GPC5: variants seen among roughly 807,000 people sequenced by gnomAD.
GPC5 encodes glypican 5, also known as glypican-5.
GPC5 carries 47 observed loss-of-function variants against 53.9 expected under a neutral mutation model. The observed-to-expected ratio is 0.87, with a 90% CI of 0.69 to 1.11. The LOEUF is 1.11. GPC5 is among the 50% of genes most tolerant of loss of function. The pLI, the probability that GPC5 is intolerant of heterozygous loss-of-function variation, is 0.00. For synonymous variants in GPC5, 286 were observed against 263.3 expected, an observed-to-expected ratio of 1.09 and a Z score of -0.84; for missense variants, 748 against 713.1, an observed-to-expected ratio of 1.05 and a Z score of -0.56.
chr13:91,883,769 A>G (rs1046606850), intron 5 of GPC5, among the ~76,000 whole-genome samples: 2 of 152,088 alleles, frequency 1.3e-5, no homozygotes, highest in East Asian at 1.9e-4. Flanking sequence ...CCATTGAAAG[A>G]TTTTTTTTAT....
At chr13:92,434,366 A>G (rs1400983879) in intron 7 of GPC5, among the ~76,000 whole-genome samples, 1 of 152,194 alleles carries the variant, frequency 6.6e-6, no homozygotes, top group East Asian at 1.9e-4. Flanking sequence ...ATAATGAAAT[A>G]ATTTTTAAAG....
chr13:91,843,740 A>G (rs1307313847), intron 5 of GPC5, among the ~76,000 whole-genome samples: 1 of 152,162 alleles, frequency 6.6e-6, no homozygotes, highest in East Asian at 1.9e-4. Context: ...ATACCTTTGG[A>G]TGCATCTGGA....
intron 5 of GPC5, among the ~76,000 whole-genome samples, chr13:91,771,811 T>A (rs765948128): frequency 6.6e-6 from 1 of 152,206 alleles, no homozygotes; most frequent in Non-Finnish European, 1.5e-5. Context: ...CAGAAAGATA[T>A]GATATCTTAC....
At chr13:91,512,407 T>TCCA (rs1349388892) in intron 2 of GPC5, among the ~76,000 whole-genome samples, 5 of 152,128 alleles carry the variant, frequency 3.3e-5, no homozygotes, top group African/African-American at 1.2e-4. Context: ...TTGGGGGGAT[T>TCCA]TTTTCAGCTT....
intron 7 of GPC5, among the ~76,000 whole-genome samples, chr13:92,183,571 A>G (rs538211061): frequency 1.6e-4 from 25 of 152,278 alleles, no homozygotes; most frequent in Middle Eastern, 3.4e-3. Flanking sequence ...AGCAATTTTG[A>G]GTCACTTATA....
Position 91,784,006 on chromosome 13 carries a change from T to C in GPC5, c.1280+27586T>C, listed in dbSNP as rs554211863. 2.6e-5 allele frequency among the ~76,000 whole-genome samples: 4 copies of C among 152,294 alleles called. No homozygotes were observed. In the East Asian group the frequency reaches 7.7e-4, roughly 29 times the overall value. ...ATCTTCCCAGATGGACAAGTTGTAG[T>C]CTATAGTGTGGATATAATTTTTAGG... is the stretch of plus-strand genomic sequence containing the variant. On this transcript the variant is annotated intron_variant, in intron 5 of 7. Transcript: ENST00000377067.
rs9560913 is a variant in GPC5 at position 92,076,698 on chromosome 13, G to A, written c.1402-68132G>A. ...TGACTTACTTTGCAGTCTGACTCTG[G>A]CATGACATTATGTGACAAAGAAGAA... On this transcript the variant is annotated intron_variant, in intron 6 of 7. Coordinates refer to ENST00000377067, the MANE Select transcript of GPC5 (RefSeq NM_004466.6). Among the ~76,000 whole-genome samples, 169 of 151,832 alleles carry A rather than the reference G, an allele frequency of 1.1e-3. 1 individual carries two copies. The East Asian group carries it at 0.029, about 26-fold the overall frequency.
intron 2 of GPC5, among the ~76,000 whole-genome samples, chr13:91,484,970 G>A (rs1487509915): frequency 6.6e-6 from 1 of 152,182 alleles, no homozygotes; most frequent in Non-Finnish European, 1.5e-5. Flanking sequence ...GCTACTCAGA[G>A]GTCTACAGAC....
chr13:91,826,584 A>G (rs1465614174), intron 5 of GPC5, among the ~76,000 whole-genome samples: 1 of 152,086 alleles, frequency 6.6e-6, no homozygotes, highest in Non-Finnish European at 1.5e-5. Context: ...AATAAGCAAA[A>G]CAGTCTTGAA....
intron 6 of GPC5, among the ~76,000 whole-genome samples, chr13:91,923,197 C>G (rs544082916): frequency 1.6e-4 from 25 of 152,264 alleles, no homozygotes; most frequent in Admixed American, 1.3e-4. Context: ...TTGACTGGCT[C>G]ATGCATATTC....
chr13:92,431,390 C>CTTTTT lies in GPC5; in HGVS notation c.1561+286413_1561+286417dup, dbSNP rs3064652. Among the ~76,000 whole-genome samples the CTTTTT allele has an allele frequency of 3.6e-3, 495 of 137,340 alleles. 6 individuals are homozygous for CTTTTT. The highest frequency in any genetic ancestry group is 7.5e-3 in the African/African-American group (277 of 36,906). 90.1% of individuals were successfully genotyped at this position (137,340 alleles called of 152,430 possible). On this transcript the variant is annotated intron_variant, in intron 7 of 7. Transcript: ENST00000377067. Reference sequence around the variant, plus strand: ...TATATGTGAGACATTAAAGACACAGCTTTTTTTTTTTTTTTTAAGCTAAAG... The same window carrying CTTTTT: ...TATATGTGAGACATTAAAGACACAGCTTTTTTTTTTTTTTTTTTTTTAAGCTAAAG...
chr13:92,666,097 A>G (rs1373034620), intron 7 of GPC5, among the ~76,000 whole-genome samples: 1 of 152,212 alleles, frequency 6.6e-6, no homozygotes, highest in African/African-American at 2.4e-5. Context: ...AGTTACATAA[A>G]ATACCAACCC....
At chr13:92,418,468 G>T (rs577582467) in intron 7 of GPC5, among the ~76,000 whole-genome samples, 5 of 152,162 alleles carry the variant, frequency 3.3e-5, no homozygotes, top group African/African-American at 1.2e-4. Context: ...GAATCTCCAT[G>T]GAGAACGGAG....
chr13:92,288,312 CTG>C (rs1173051547), intron 7 of GPC5, among the ~76,000 whole-genome samples: 1 of 152,098 alleles, frequency 6.6e-6, no homozygotes, highest in East Asian at 1.9e-4. Flanking sequence ...GTTTCTCTCT[CTG>C]TTTTATAGTA....
intron 1 of GPC5, among the ~76,000 whole-genome samples, chr13:91,401,633 T>G (rs973638813): frequency 2.0e-5 from 3 of 152,250 alleles, no homozygotes; most frequent in Non-Finnish European, 4.4e-5. Flanking sequence ...CAGTGGTTAA[T>G]CCCTGAGATG....
chr13:92,544,898 G>A (rs1882049198), intron 7 of GPC5, among the ~76,000 whole-genome samples: 1 of 151,802 alleles, frequency 6.6e-6, no homozygotes, highest in South Asian at 2.1e-4. Flanking sequence ...TGAGAGTTAA[G>A]AGATTTTATT....
intron 7 of GPC5, among the ~76,000 whole-genome samples, chr13:92,206,194 C>T: frequency 7.6e-6 from 1 of 131,690 alleles, no homozygotes; most frequent in Non-Finnish European, 1.6e-5. Flanking sequence ...GAGACAGAGT[C>T]TCGGTCTGTC....
chr13:92,341,601 A>G (rs931217034), intron 7 of GPC5, among the ~76,000 whole-genome samples: 6 of 152,064 alleles, frequency 3.9e-5, no homozygotes, highest in African/African-American at 1.2e-4. Flanking sequence ...CTGATGTAGT[A>G]AAATAAAGTT....
At chr13:92,588,479 A>G (rs1170997892) in intron 7 of GPC5, among the ~76,000 whole-genome samples, 2 of 152,152 alleles carry the variant, frequency 1.3e-5, no homozygotes, top group Non-Finnish European at 2.9e-5. Context: ...GAGTTTATTT[A>G]TTGAGCACTT....
Sources: gnomAD v4.1 joint callset for allele counts (sites outside exome capture counted in the v4.1 genomes callset) on GRCh38, gnomAD v4.1.1 for gene constraint, MANE v1.5 for transcripts, NCBI Gene and HGNC (gene_info 2026-07-23, HGNC 2026-07-21) for gene names.